The following KDM1A variants were observed in gnomAD, a reference collection of about 807,000 sequenced individuals.
The protein encoded by KDM1A is lysine-specific histone demethylase 1A.
In KDM1A, 49 loss-of-function variants were observed where a neutral mutation model predicts 109.4. That is an observed-to-expected ratio of 0.45 (90% CI 0.36 to 0.57). The LOEUF (loss-of-function observed/expected upper bound fraction) is 0.57, where lower values mean the gene tolerates loss of function less well. Among genes scored for constraint, KDM1A ranks in the 20% least tolerant of loss-of-function variants. The pLI, the probability that KDM1A is intolerant of heterozygous loss-of-function variation, is 0.00. For synonymous variants in KDM1A, 380 were observed against 415.4 expected (o/e 0.91, Z 1.04); for missense variants, 668 against 1,116.6 (o/e 0.60, Z 5.73).
At chr1:23,022,907 C>T (rs1441654872) in intron 1 of KDM1A, among the ~76,000 whole-genome samples, 1 of 152,050 alleles carries the variant, frequency 6.6e-6, no homozygotes, top group Non-Finnish European at 1.5e-5. Flanking sequence ...CATCCACCCA[C>T]ATCGGCCTCC....
intron 12 of KDM1A, among the ~76,000 whole-genome samples, chr1:23,070,683 C>T (rs1643291944): frequency 6.6e-6 from 1 of 151,620 alleles, no homozygotes; most frequent in Non-Finnish European, 1.5e-5. Context: ...TGGCGGGTGC[C>T]TGTAGTCCCA....
At chr1:23,028,935 C>T (rs762824457) in intron 1 of KDM1A, among the ~76,000 whole-genome samples, 2 of 152,086 alleles carry the variant, frequency 1.3e-5, no homozygotes, top group Non-Finnish European at 2.9e-5. Context: ...ACCACGTACT[C>T]AGTGTTCAGT....
At position 23,068,526 on chromosome 1, in the gene KDM1A, T is replaced by C; in HGVS notation, c.1180-13T>C. On this transcript the variant is annotated splice_polypyrimidine_tract_variant and intron_variant, in intron 10 of 20. Transcript: ENST00000400181. ...TTTATAAGGACCAACTCTGCTATAC[T>C]TCGGATTTTCAGGTTCCTAAAGAGA... The C allele has an allele frequency of 6.4e-7, 1 of 1,564,828 alleles. No homozygotes were observed. The highest frequency in any genetic ancestry group is 8.6e-7 in the Non-Finnish European group (1 of 1,163,922).
chr1:23,048,510 G>T (rs1354637544), intron 3 of KDM1A, among the ~76,000 whole-genome samples: 1 of 151,994 alleles, frequency 6.6e-6, no homozygotes, highest in East Asian at 1.9e-4. Flanking sequence ...AAGGATTGTT[G>T]ATTTGATTTA....
At chr1:23,042,912 C>G (rs1642395366) in intron 2 of KDM1A, among the ~76,000 whole-genome samples, 1 of 151,980 alleles carries the variant, frequency 6.6e-6, no homozygotes, top group Admixed American at 6.6e-5. Context: ...CCACACCTGG[C>G]TAACTTTTGT....
At chr1:23,074,876 T>C (rs565383093) in intron 15 of KDM1A, among the ~76,000 whole-genome samples, 2 of 152,384 alleles carry the variant, frequency 1.3e-5, no homozygotes, top group African/African-American at 2.4e-5. Context: ...TTGTCTTTTC[T>C]GTTAATTTAT....
intron 9 of KDM1A, among the ~76,000 whole-genome samples, chr1:23,062,968 A>G (rs1210835196): frequency 6.6e-6 from 1 of 152,000 alleles, no homozygotes; most frequent in African/African-American, 2.4e-5. Flanking sequence ...CTTTAATTGG[A>G]CATGCGGAAG....
At chr1:23,074,490 G>T (rs1482001729) in intron 15 of KDM1A, among the ~76,000 whole-genome samples, 1 of 152,144 alleles carries the variant, frequency 6.6e-6, no homozygotes, top group Non-Finnish European at 1.5e-5. Flanking sequence ...TGCCCAGGCT[G>T]GAGTGGTGTG....
chr1:23,036,644 C>T (rs935961574), intron 2 of KDM1A, among the ~76,000 whole-genome samples: 2 of 152,046 alleles, frequency 1.3e-5, no homozygotes, highest in Non-Finnish European at 2.9e-5. Context: ...CGCTATACAA[C>T]ACACGGTCCC....
intron 1 of KDM1A, chr1:23,020,153 C>G: frequency 2.0e-6 from 1 of 489,886 alleles, no homozygotes; most frequent in Non-Finnish European, 3.3e-6. Flanking sequence ...GGTCTTTGTG[C>G]TGGGTCCCGA....
intron 2 of KDM1A, among the ~76,000 whole-genome samples, chr1:23,041,940 T>TAG (rs1642349107): frequency 6.6e-6 from 1 of 152,116 alleles, no homozygotes; most frequent in Admixed American, 6.5e-5. Context: ...GTTAACCTAT[T>TAG]GAGTACGCAA....
intron 8 of KDM1A, among the ~76,000 whole-genome samples, chr1:23,058,739 C>T (rs1241337637): frequency 1.3e-5 from 2 of 152,038 alleles, no homozygotes; most frequent in Non-Finnish European, 2.9e-5. Flanking sequence ...CATGTAGCTC[C>T]GTATTAGCGT....
intron 2 of KDM1A, among the ~76,000 whole-genome samples, chr1:23,040,638 A>G (rs75909975): frequency 2.6e-5 from 4 of 151,554 alleles, no homozygotes; most frequent in African/African-American, 9.7e-5. Flanking sequence ...AAAAAAAAAA[A>G]TTAGCCAGGT....
chr1:23,079,215 G>A lies in KDM1A; in HGVS notation c.2055+38G>A, dbSNP rs1643550623. 5 of 1,589,812 alleles carry A rather than the reference G, an allele frequency of 3.1e-6. No homozygotes were observed. Among genetic ancestry groups the A allele is most frequent in the Non-Finnish European group, 4.3e-6 (5 of 1,165,014 alleles). On this transcript the variant is annotated intron_variant, in intron 17 of 20. Transcript: ENST00000400181. The surrounding 1 kb of genome is among the most constrained non-coding windows in gnomAD (Gnocchi z 5.6). ...AGACACTCCTGTCTACAGATCTGAT[G>A]TACAAATAGCAGTCTTCGTTGTTTA...
chr1:23,043,578 T>C (rs1642414913), intron 2 of KDM1A, among the ~76,000 whole-genome samples: 1 of 152,202 alleles, frequency 6.6e-6, no homozygotes, highest in African/African-American at 2.4e-5. Context: ...TTTCCTATAG[T>C]GTACCAGGTG....
intron 6 of KDM1A, 133 bp downstream of exon 6, chr1:23,055,294 A>G: frequency 3.2e-6 from 1 of 313,934 alleles, no homozygotes; most frequent in Non-Finnish European, 5.3e-6. Context: ...TTCCAAGTTT[A>G]TCTTCTTAAA....
chr1:23,055,110 C>T lies in KDM1A; in HGVS notation c.832C>T (p.Arg278Cys). The T allele has an allele frequency of 6.2e-7, 1 of 1,611,992 alleles. No individual in the cohort carries two copies. Residue 278 changes from arginine (R) to cysteine (C), a missense_variant, in exon 6 of 21, where the codon CGT becomes TGT. Around this residue, in one of 8 missense-constraint regions of KDM1A, gnomAD observed 149 missense variants for 189.7 expected, o/e 0.79. Transcript: ENST00000400181. ...LVHRVHSYLE[R>C]HGLINFGIYK... ...CCACCGAGTTCACAGTTATTTAGAG[C>T]GTCATGGTCTTATCAACTTCGGCAT...
intron 1 of KDM1A, among the ~76,000 whole-genome samples, chr1:23,021,477 C>T (rs890097742): frequency 6.6e-6 from 1 of 152,134 alleles, no homozygotes; most frequent in Non-Finnish European, 1.5e-5. Flanking sequence ...GCCTGGCCAA[C>T]ATGATGAAAC....
Position 23,079,815 on chromosome 1 carries a change from A to G in KDM1A, c.2170+148A>G. On this transcript the variant is annotated intron_variant, in intron 18 of 20. Transcript: ENST00000400181. The surrounding 1 kb of genome is among the most constrained non-coding windows in gnomAD (Gnocchi z 5.6). Reference sequence around the variant, plus strand: ...TGAAATACCTTCTAGGTACTGGGGTATAAAAATACCTGCCTTCAAGGAGCT... The same window carrying G: ...TGAAATACCTTCTAGGTACTGGGGTGTAAAAATACCTGCCTTCAAGGAGCT... The G allele has an allele frequency of 2.0e-6, 1 of 507,240 alleles. No homozygotes were observed. Among genetic ancestry groups the G allele is most frequent in the Non-Finnish European group, 3.4e-6 (1 of 290,306 alleles). 31.4% of individuals were successfully genotyped at this position (507,240 alleles called of 1,614,324 possible).
Sources: gnomAD v4.1 joint callset for allele counts (sites outside exome capture counted in the v4.1 genomes callset) on GRCh38, gnomAD v4.1.1 for gene constraint, gnomAD v4.1.1 regional missense constraint, Gnocchi (gnomAD v3.1) non-coding constraint, MANE v1.5 for transcripts, NCBI Gene and HGNC (gene_info 2026-07-23, HGNC 2026-07-21) for gene names.